FGFR3: variants seen among roughly 807,000 people sequenced by gnomAD.
FGFR3 encodes the protein FGFR-3.
Under a neutral mutation model 82.9 loss-of-function variants are expected in FGFR3, and 25 were observed. The observed-to-expected ratio is 0.30, with a 90% confidence interval of 0.22 to 0.42. The LOEUF (loss-of-function observed/expected upper bound fraction) is 0.42, where lower values mean the gene tolerates loss of function less well. Among genes scored for constraint, FGFR3 ranks in the 10% least tolerant of loss-of-function variants. The pLI, the probability that FGFR3 is intolerant of heterozygous loss-of-function variation, is 1.00. For synonymous variants in FGFR3, 620 were observed against 516.0 expected, an observed-to-expected ratio of 1.20 and a Z score of -2.73; for missense variants, 1,026 against 1,161.0, an observed-to-expected ratio of 0.88 and a Z score of 1.69.
chr4:1,805,629 C>G lies in FGFR3; in HGVS notation c.1605C>G (p.His535Gln). 1 of 1,613,338 alleles carries G rather than the reference C, an allele frequency of 6.2e-7. No homozygotes were observed. The highest frequency in any genetic ancestry group is 8.5e-7 in the Non-Finnish European group (1 of 1,179,798). The change falls in exon 12 of 18, where the codon CAC (histidine) becomes CAG (glutamine). Residue 535 changes from histidine to glutamine, a missense_variant. Transcript: ENST00000440486. ...EMEMMKMIGKHKNIINLLGAC... is the reference protein window; with the variant it reads ...EMEMMKMIGKQKNIINLLGAC... ...AGATGATGAAGATGATCGGGAAACA[C>G]AAAAACATCATCAACCTGCTGGGCG...
intron 2 of FGFR3, among the ~76,000 whole-genome samples, chr4:1,798,889 T>C (rs1720850148): frequency 6.6e-6 from 1 of 152,166 alleles, no homozygotes; most frequent in African/African-American, 2.4e-5. Context: ...GATTTTATGT[T>C]TCCAAGCAAT....
rs893758684 is a variant in FGFR3, at chr4:1,804,318, A to C, written c.1076-12A>C. ...GGGGCCAGGCCAGGCCTCAACGCCC[A>C]TGTCTTTGCAGCCGAGGAGGAGCTG... On this transcript the variant is annotated splice_polypyrimidine_tract_variant and intron_variant, in intron 8 of 17. Transcript: ENST00000440486. The C allele has an allele frequency of 6.3e-7, 1 of 1,593,044 alleles. No homozygotes were observed. The highest frequency in any genetic ancestry group is 8.5e-7 in the Non-Finnish European group (1 of 1,171,498).
At chr4:1,797,413 C>A (rs1047477821) in intron 2 of FGFR3, among the ~76,000 whole-genome samples, 2 of 152,188 alleles carry the variant, frequency 1.3e-5, no homozygotes, top group Non-Finnish European at 2.9e-5. Flanking sequence ...CAGGGCTGCA[C>A]CCTCCCCACC....
intron 7 of FGFR3, 63 bp from the exon 8 acceptor site, chr4:1,803,629 A>T: frequency 6.3e-7 from 1 of 1,586,752 alleles, no homozygotes; most frequent in Non-Finnish European, 8.6e-7. Flanking sequence ...TGCCGTGTGG[A>T]CTCTGTGCGG....
rs747197773 is a variant in FGFR3, at chr4:1,807,392, TGTGTGTGC to T, written c.*138_*145del. On this transcript the variant is annotated 3_prime_UTR_variant, in exon 18 of 18. Coordinates refer to ENST00000440486, the MANE Select transcript of FGFR3 (RefSeq NM_000142.5). ...TACACAGAGCTTTGGTCTGTGTGTGTGTGTGTGCGTGTGTGTGTGTGTGTGTGCACATC... is the reference window on the plus strand; with the variant it reads ...TACACAGAGCTTTGGTCTGTGTGTGTGTGTGTGTGTGTGTGTGTGCACATC... 10 of 1,107,032 alleles carry T rather than the reference TGTGTGTGC, an allele frequency of 9.0e-6. No individual in the cohort carries two copies. Among genetic ancestry groups the T allele is most frequent in the Non-Finnish European group, 1.2e-5 (10 of 818,772 alleles). 68.6% of individuals were successfully genotyped at this position (1,107,032 alleles called of 1,614,324 possible). A position where few individuals can be genotyped will look rare whatever the true frequency, so the allele number is the denominator to read the frequency against.
At position 1,806,149 on chromosome 4, in the gene FGFR3, C is replaced by G. The variant is rs104886006; in HGVS notation, c.1935C>G (p.Leu645=). The G allele has an allele frequency of 6.2e-7, 1 of 1,613,080 alleles. No homozygotes were observed. The highest frequency in any genetic ancestry group is 2.2e-5 in the East Asian group (1 of 44,848). Residue 645 remains leucine (L), a synonymous_variant, in exon 14 of 18, where the codon CTC becomes CTG. Transcript: ENST00000440486. The part of the protein sequence containing the change: ...DFGLARDVHN[L]DYYKKTTNGR... Reference sequence around the variant, plus strand: ...GGCTGGCCCGGGACGTGCACAACCTCGACTACTACAAGAAGACGACCAACG... The same window carrying G: ...GGCTGGCCCGGGACGTGCACAACCTGGACTACTACAAGAAGACGACCAACG...
rs1367048957 is a variant in FGFR3 at position 1,793,949 on chromosome 4, C to A, written c.15C>A (p.Ala5=). The change falls in exon 2 of 18, where the codon GCC becomes GCA. Residue 5 remains alanine (A), a synonymous_variant. Transcript: ENST00000440486. ...CCGCCCCCGCCATGGGCGCCCCTGC[C>A]TGCGCCCTCGCGCTCTGCGTGGCCG... The part of the protein sequence containing the change: MGAP[A]CALALCVAVA... 2.2e-6 allele frequency: 3 copies of A among 1,342,572 alleles called. No homozygotes were observed. The Admixed American group carries it at 9.1e-5, about 41-fold the overall frequency. 83.2% of individuals were successfully genotyped at this position (1,342,572 alleles called of 1,614,324 possible). A position where few individuals can be genotyped will look rare whatever the true frequency, so the allele number is the denominator to read the frequency against.
In FGFR3 at chr4:1,807,499, C is replaced by T. The variant is rs548694307; in HGVS notation, c.*237C>T. On this transcript the variant is annotated 3_prime_UTR_variant, in exon 18 of 18. Coordinates refer to ENST00000440486, the MANE Select transcript of FGFR3 (RefSeq NM_000142.5). Reference sequence around the variant, plus strand: ...CCTGGGTGTCCCCGCTGCTGTGCAACGGTCTCCTGACTGGTGCTGCAGCAC... The same window carrying T: ...CCTGGGTGTCCCCGCTGCTGTGCAATGGTCTCCTGACTGGTGCTGCAGCAC... 18 of 725,550 alleles carry T rather than the reference C, an allele frequency of 2.5e-5. No homozygotes were observed. The highest frequency in any genetic ancestry group is 1.2e-4 in the Admixed American group (6 of 50,548). The allele number at this position is 725,550 out of a possible 1,614,324, so 44.9% of individuals were successfully genotyped here.
In FGFR3 at chr4:1,808,664, C is replaced by T. The variant is rs556538642; in HGVS notation, c.*1402C>T. 1.1e-3 allele frequency: 249 copies of T among 231,902 alleles called. No individual in the cohort carries two copies. The highest frequency in any genetic ancestry group is 1.7e-3 in the Non-Finnish European group (202 of 117,062). The allele number at this position is 231,902 out of a possible 1,614,324, so 14.4% of individuals were successfully genotyped here. ...TACCTTTCAAAGCTTGGAGGGAAGCCGTGAATTCAGTTGGTTCGTTCTGTA... is the reference window on the plus strand; with the variant it reads ...TACCTTTCAAAGCTTGGAGGGAAGCTGTGAATTCAGTTGGTTCGTTCTGTA... On this transcript the variant is annotated 3_prime_UTR_variant, in exon 18 of 18. Coordinates refer to ENST00000440486, the MANE Select transcript of FGFR3 (RefSeq NM_000142.5).
Position 1,805,740 on chromosome 4 carries a change from G to A in FGFR3, c.1646-10G>A, listed in dbSNP as rs201317043. 2.4e-5 allele frequency: 39 copies of A among 1,612,186 alleles called. No homozygotes were observed. Among genetic ancestry groups the A allele is most frequent in the Non-Finnish European group, 2.8e-5 (33 of 1,179,528 alleles). On this transcript the variant is annotated splice_polypyrimidine_tract_variant and intron_variant, in intron 12 of 17. Transcript: ENST00000440486. Reference sequence around the variant, plus strand: ...GCCTGGCAGCCCGTCTGAGGAGCCCGTGTCCCCAGGGCCCCTGTACGTGCT... The same window carrying A: ...GCCTGGCAGCCCGTCTGAGGAGCCCATGTCCCCAGGGCCCCTGTACGTGCT...
chr4:1,799,860 C>A, intron 4 of FGFR3, 48 bp downstream of exon 4: 1 of 1,594,364 alleles, frequency 6.3e-7, no homozygotes, highest in Non-Finnish European at 8.6e-7. Context: ...GGGCCCGCTG[C>A]CACCGCCAAG....
chr4:1,802,226 G>C (rs998100674), intron 7 of FGFR3, among the ~76,000 whole-genome samples: 1 of 152,172 alleles, frequency 6.6e-6, no homozygotes, highest in Non-Finnish European at 1.5e-5. Flanking sequence ...ACCCGTTTCC[G>C]TGTCTGCAGA....
In FGFR3 at chr4:1,801,839, C is replaced by T; in HGVS notation, c.744C>T (p.Arg248=). Residue 248 remains arginine (R), a synonymous_variant, in exon 7 of 18, where the codon CGC becomes CGT. Coordinates refer to ENST00000440486, the MANE Select transcript of FGFR3 (RefSeq NM_000142.5). The part of the protein sequence containing the change: ...RQTYTLDVLE[R]SPHRPILQAG... The stretch of plus-strand genomic sequence containing the variant: ...GAGCGTCATCTGCCCCCACAGAGCG[C>T]TCCCCGCACCGGCCCATCCTGCAGG... 3.7e-6 allele frequency: 6 copies of T among 1,606,662 alleles called. No homozygotes were observed. Among genetic ancestry groups the T allele is most frequent in the Non-Finnish European group, 4.3e-6 (5 of 1,176,036 alleles).
At chr4:1,801,782 T>TGGC in intron 6 of FGFR3, 39 bp downstream of exon 6, 2 of 1,578,470 alleles carry the variant, frequency 1.3e-6, no homozygotes, top group South Asian at 1.1e-5. Flanking sequence ...GGGGCGGCAG[T>TGGC]GGCGGTGGTG....
rs1260101664 is a variant in FGFR3, at chr4:1,807,106, C to T, written c.2275-10C>T. Reference sequence around the variant, plus strand: ...GGTGGCACAGCGCTCACCCCGCCTCCCGCCAGCAGGAGTACCTGGACCTGT... The same window carrying T: ...GGTGGCACAGCGCTCACCCCGCCTCTCGCCAGCAGGAGTACCTGGACCTGT... On this transcript the variant is annotated splice_polypyrimidine_tract_variant and intron_variant, in intron 17 of 17. Transcript: ENST00000440486. 6.4e-7 allele frequency: 1 copy of T among 1,572,230 alleles called. No homozygotes were observed. The highest frequency in any genetic ancestry group is 2.4e-5 in the East Asian group (1 of 42,408).
In FGFR3 at chr4:1,804,840, A is replaced by T; in HGVS notation, c.1283A>T (p.Asn428Ile). The T allele has an allele frequency of 6.5e-7, 1 of 1,549,838 alleles. No individual in the cohort carries two copies. The highest frequency in any genetic ancestry group is 8.7e-7 in the Non-Finnish European group (1 of 1,146,910). ...PLKRQVSLES[N>I]ASMSSNTPLV... is the part of the protein sequence containing the mutation. The stretch of plus-strand genomic sequence containing the variant: ...CCCAAGCAGGTGTCCCTGGAGTCCA[A>T]CGCGTCCATGAGCTCCAACACACCA... Residue 428 changes from asparagine (N) to isoleucine (I), a missense_variant, in exon 10 of 18, where the codon AAC becomes ATC. Physicochemically the swap from Asn to Ile is moderately radical, Grantham distance 149. Coordinates refer to ENST00000440486, the MANE Select transcript of FGFR3 (RefSeq NM_000142.5).
At position 1,808,612 on chromosome 4, in the gene FGFR3, C is replaced by A; in HGVS notation, c.*1350C>A. The stretch of plus-strand genomic sequence containing the variant: ...TAGACTTAACACTTCTTACGCAATG[C>A]TTCTAGAGTTTTATAGCCTGGACTG... On this transcript the variant is annotated 3_prime_UTR_variant, in exon 18 of 18. Coordinates refer to ENST00000440486, the MANE Select transcript of FGFR3 (RefSeq NM_000142.5). 4.3e-6 allele frequency: 1 copy of A among 231,250 alleles called. No homozygotes were observed. The allele number at this position is 231,250 out of a possible 1,614,324, so 14.3% of individuals were successfully genotyped here.
intron 2 of FGFR3, among the ~76,000 whole-genome samples, chr4:1,797,836 C>T (rs578003004): frequency 6.6e-6 from 1 of 152,252 alleles, no homozygotes; most frequent in East Asian, 1.9e-4. Context: ...TCACCCTGGG[C>T]ACTAGGCGTG....
chr4:1,798,447 C>G, intron 2 of FGFR3, among the ~76,000 whole-genome samples: 1 of 152,012 alleles, frequency 6.6e-6, no homozygotes, highest in East Asian at 1.9e-4. Context: ...GTACTTTGCT[C>G]TTCTCGGTAT....
Sources: allele counts gnomAD v4.1 joint callset (sites outside exome capture counted in the v4.1 genomes callset), GRCh38; gene constraint gnomAD v4.1.1; transcripts MANE v1.5; gene names NCBI Gene and HGNC (gene_info 2026-07-23, HGNC 2026-07-21).